Variants in CATSPERQ observed in about 807,000 individuals in gnomAD.
The protein encoded by CATSPERQ is catsper channel auxiliary subunit theta, also known as cation channel sperm-associated auxiliary subunit theta.
chr8:144,353,992 A>C, the CATSPERQ span: 1 of 1,534,644 alleles, frequency 6.5e-7, no homozygotes, highest in Non-Finnish European at 8.7e-7. Flanking sequence ...GACCAGATGC[A>C]AGGGGCCCTG....
the CATSPERQ span, chr8:144,354,636 G>T: frequency 2.0e-6 from 3 of 1,525,228 alleles, no homozygotes; most frequent in East Asian, 2.5e-5. The surrounding 1 kb of genome is among the most constrained non-coding windows in gnomAD (Gnocchi z 4.6). Context: ...CCTGCTGCAC[G>T]AATGGGTAGA....
the CATSPERQ span, chr8:144,354,090 G>A: frequency 7.8e-6 from 12 of 1,535,222 alleles, no homozygotes; most frequent in East Asian, 2.7e-4. This position sits in a 1 kb window ranked among gnomAD's most constrained non-coding sequence, Gnocchi z 4.6. Flanking sequence ...ACGAGATCAC[G>A]AGCCACAGGC....
the CATSPERQ span, chr8:144,354,628 T>C: frequency 9.5e-6 from 14 of 1,475,158 alleles, no homozygotes; most frequent in Non-Finnish European, 1.2e-5. This position sits in a 1 kb window ranked among gnomAD's most constrained non-coding sequence, Gnocchi z 4.6. Flanking sequence ...GTTTGGCTCC[T>C]GCTGCACGAA....
the CATSPERQ span, chr8:144,354,150 C>T: frequency 6.5e-7 from 1 of 1,534,902 alleles, no homozygotes; most frequent in Non-Finnish European, 8.7e-7. This position sits in a 1 kb window ranked among gnomAD's most constrained non-coding sequence, Gnocchi z 4.6. Context: ...GCTTCTGCAC[C>T]TGCGGGCGCC....
At chr8:144,353,314 G>A in the CATSPERQ span, 1 of 1,500,266 alleles carries the variant, frequency 6.7e-7, no homozygotes, top group Non-Finnish European at 8.9e-7. Context: ...AGGTTACCGA[G>A]AACACAGTCC....
chr8:144,354,412 G>A, the CATSPERQ span: 2 of 1,432,920 alleles, frequency 1.4e-6, no homozygotes, highest in Non-Finnish European at 1.9e-6. This position sits in a 1 kb window ranked among gnomAD's most constrained non-coding sequence, Gnocchi z 4.6. Flanking sequence ...GCCCGGACTA[G>A]CTGGGTCCGC....
At chr8:144,354,789 A>G in the CATSPERQ span, 1 of 1,527,268 alleles carries the variant, frequency 6.5e-7, no homozygotes. This position sits in a 1 kb window ranked among gnomAD's most constrained non-coding sequence, Gnocchi z 4.6. Context: ...AGAGGTGGTC[A>G]GCCTGGCCGC....
the CATSPERQ span, chr8:144,353,291 G>C: frequency 2.0e-6 from 3 of 1,468,764 alleles, no homozygotes; most frequent in Admixed American, 2.4e-5. Flanking sequence ...ATCTGCCCCA[G>C]AGTGGGGCTG....
At chr8:144,354,574 T>TGCCCCCC in the CATSPERQ span, 2 of 322,958 alleles carry the variant, frequency 6.2e-6, no homozygotes, top group Non-Finnish European at 1.1e-5. This position sits in a 1 kb window ranked among gnomAD's most constrained non-coding sequence, Gnocchi z 4.6. Context: ...GCCCCGCCCT[T>TGCCCCCC]CCCAGCCCCG....
At chr8:144,353,619 C>G in the CATSPERQ span, 1 of 1,457,172 alleles carries the variant, frequency 6.9e-7, no homozygotes, top group East Asian at 2.5e-5. Context: ...GCTGCATCCC[C>G]CGTCCTGCCC....
chr8:144,354,555 T>TCCAACC, the CATSPERQ span: 4 of 681,602 alleles, frequency 5.9e-6, no homozygotes, highest in Non-Finnish European at 9.0e-6. This position sits in a 1 kb window ranked among gnomAD's most constrained non-coding sequence, Gnocchi z 4.6. Context: ...CCCGTCTCCC[T>TCCAACC]CCTCCCCCGC....
the CATSPERQ span, chr8:144,354,237 C>T: frequency 6.5e-7 from 1 of 1,543,536 alleles, no homozygotes; most frequent in South Asian, 1.2e-5. The surrounding 1 kb of genome is among the most constrained non-coding windows in gnomAD (Gnocchi z 4.6). Flanking sequence ...GGGCTCACAC[C>T]TCTCTCAGGG....
At chr8:144,354,437 G>A in the CATSPERQ span, 1 of 1,331,492 alleles carries the variant, frequency 7.5e-7, no homozygotes, top group Non-Finnish European at 9.9e-7. The surrounding 1 kb of genome is among the most constrained non-coding windows in gnomAD (Gnocchi z 4.6). Flanking sequence ...GGCTCGCGGA[G>A]GCGACGTCTC....
At chr8:144,354,633 C>G in the CATSPERQ span, 221 of 1,522,656 alleles carry the variant, frequency 1.5e-4, 1 homozygote, top group East Asian at 4.8e-3. This position sits in a 1 kb window ranked among gnomAD's most constrained non-coding sequence, Gnocchi z 4.6. Flanking sequence ...GCTCCTGCTG[C>G]ACGAATGGGT....
chr8:144,354,480 C>CCGGG, the CATSPERQ span: 1 of 1,327,094 alleles, frequency 7.5e-7, no homozygotes. This position sits in a 1 kb window ranked among gnomAD's most constrained non-coding sequence, Gnocchi z 4.6. Context: ...GGAGCACCGG[C>CCGGG]CGGCCCCACC....
the CATSPERQ span, chr8:144,354,738 G>A: frequency 2.0e-5 from 31 of 1,535,502 alleles, no homozygotes; most frequent in East Asian, 1.5e-4. The surrounding 1 kb of genome is among the most constrained non-coding windows in gnomAD (Gnocchi z 4.6). Context: ...TGGAGGTCGT[G>A]GGCAGGCTGC....
At chr8:144,353,831 C>T in the CATSPERQ span, 5 of 1,535,298 alleles carry the variant, frequency 3.3e-6, no homozygotes, top group East Asian at 7.3e-5. Flanking sequence ...CTGTGGCCGC[C>T]GAGGACCAGG....
the CATSPERQ span, chr8:144,354,132 G>A: frequency 2.6e-6 from 4 of 1,534,692 alleles, no homozygotes; most frequent in African/African-American, 1.4e-5. The surrounding 1 kb of genome is among the most constrained non-coding windows in gnomAD (Gnocchi z 4.6). Context: ...GGAAGACCCA[G>A]GTCTCTTGCT....
At chr8:144,354,391 G>A in the CATSPERQ span, 4 of 1,494,850 alleles carry the variant, frequency 2.7e-6, no homozygotes, top group Admixed American at 7.9e-5. The surrounding 1 kb of genome is among the most constrained non-coding windows in gnomAD (Gnocchi z 4.6). Flanking sequence ...GGGTGGCGGT[G>A]CCAAGGCTTG....
Sources: gnomAD v4.1 joint callset for allele counts on GRCh38, gnomAD v4.1.1 for gene constraint, Gnocchi (gnomAD v3.1) non-coding constraint, MANE v1.5 for transcripts, NCBI Gene and HGNC (gene_info 2026-07-23, HGNC 2026-07-21) for gene names.